CADM2: variants seen among roughly 807,000 people sequenced by gnomAD.
CADM2 encodes immunoglobulin superfamily member 4D.
A neutral mutation model predicts 49.8 loss-of-function variants in CADM2; 12 were observed. That is an observed-to-expected ratio of 0.24 (90% CI 0.15 to 0.39). The LOEUF is 0.39. Ranked by LOEUF, CADM2 falls within the 10% of genes least tolerant of loss-of-function variation. CADM2 has a pLI of 1.00. For missense variants in CADM2, 378 were observed against 492.3 expected, an observed-to-expected ratio of 0.77 and a Z score of 2.20; for synonymous variants, 214 against 175.4, an observed-to-expected ratio of 1.22 and a Z score of -1.74.
intron 5 of CADM2, among the ~76,000 whole-genome samples, chr3:85,897,361 C>T (rs1021720457): frequency 1.4e-4 from 20 of 144,086 alleles, no homozygotes; most frequent in Admixed American, 1.0e-3. Context: ...GCTCCGCTTC[C>T]CGGGTTCACG....
chr3:85,322,978 T>A (rs11715683), intron 1 of CADM2, among the ~76,000 whole-genome samples: 46,977 of 152,102 alleles, frequency 0.31, 8,103 homozygotes, highest in Admixed American at 0.47. Flanking sequence ...TATTCTTTTA[T>A]TGTGGTGTTT....
At chr3:85,782,340 A>C (rs1483248686) in intron 2 of CADM2, among the ~76,000 whole-genome samples, 8 of 152,208 alleles carry the variant, frequency 5.3e-5, no homozygotes, top group African/African-American at 1.9e-4. Flanking sequence ...CTACTCTGCT[A>C]TAATGAATGA....
intron 1 of CADM2, among the ~76,000 whole-genome samples, chr3:85,636,409 G>T (rs11127904): frequency 0.79 from 119,947 of 152,120 alleles, 48,108 homozygotes; most frequent in African/African-American, 0.94. Context: ...AAAGAAAATA[G>T]TTTGTACAGT....
intron 1 of CADM2, among the ~76,000 whole-genome samples, chr3:85,426,402 G>C (rs1202366516): frequency 1.3e-5 from 2 of 151,976 alleles, no homozygotes; most frequent in Non-Finnish European, 2.9e-5. Flanking sequence ...AAAGTGCAGG[G>C]ATTACAGGCA....
intron 1 of CADM2, among the ~76,000 whole-genome samples, chr3:84,988,032 G>A (rs916539560): frequency 2.0e-5 from 3 of 152,128 alleles, no homozygotes; most frequent in African/African-American, 7.2e-5. Context: ...CAGACATGGA[G>A]AAAACAAAAC....
At chr3:85,298,052 A>T (rs2044008609) in intron 1 of CADM2, among the ~76,000 whole-genome samples, 1 of 151,994 alleles carries the variant, frequency 6.6e-6, no homozygotes, top group African/African-American at 2.4e-5. Context: ...TTACCATATT[A>T]TTTAGGGTTA....
intron 1 of CADM2, among the ~76,000 whole-genome samples, chr3:85,039,032 G>A (rs984599568): frequency 1.3e-5 from 2 of 149,892 alleles, no homozygotes; most frequent in African/African-American, 4.9e-5. Flanking sequence ...TATAAACACA[G>A]AGAGAGAGAG....
chr3:85,428,830 C>A (rs1056977170), intron 1 of CADM2, among the ~76,000 whole-genome samples: 1 of 151,372 alleles, frequency 6.6e-6, no homozygotes, highest in Non-Finnish European at 1.5e-5. Context: ...TTCTTTTACA[C>A]TCTTTTGCCT....
intron 1 of CADM2, among the ~76,000 whole-genome samples, chr3:85,021,438 T>A (rs2034506711): frequency 6.7e-6 from 1 of 150,348 alleles, no homozygotes; most frequent in Admixed American, 6.8e-5. Flanking sequence ...TATTCAAATA[T>A]GCCTAGAGTT....
At chr3:85,444,524 C>G (rs1449066978) in intron 1 of CADM2, among the ~76,000 whole-genome samples, 2 of 151,932 alleles carry the variant, frequency 1.3e-5, no homozygotes, top group Non-Finnish European at 2.9e-5. Flanking sequence ...ATAAAGTTCT[C>G]TGAGATATCC....
At chr3:85,209,428 A>G (rs948584285) in intron 1 of CADM2, among the ~76,000 whole-genome samples, 4 of 152,286 alleles carry the variant, frequency 2.6e-5, no homozygotes, top group African/African-American at 9.6e-5. Flanking sequence ...GAGATCAGAA[A>G]GAAACTCAAA....
At chr3:85,924,489 G>A (rs1349822430) in intron 6 of CADM2, among the ~76,000 whole-genome samples, 2 of 151,824 alleles carry the variant, frequency 1.3e-5, no homozygotes, top group East Asian at 1.9e-4. Flanking sequence ...CTACATCGGG[G>A]GCCAAAGTGG....
At chr3:85,482,379 G>T (rs895467418) in intron 1 of CADM2, among the ~76,000 whole-genome samples, 1 of 151,766 alleles carries the variant, frequency 6.6e-6, no homozygotes, top group African/African-American at 2.4e-5. Context: ...GAGTTTGTCA[G>T]AGACTTTTAG....
intron 8 of CADM2, chr3:85,994,539 A>T (rs2108716522): frequency 6.6e-6 from 1 of 152,356 alleles, no homozygotes; most frequent in South Asian, 2.1e-4. Context: ...GACTGGCACA[A>T]GACGTGTAGC....
At chr3:85,004,144 A>G (rs2033608784) in intron 1 of CADM2, among the ~76,000 whole-genome samples, 1 of 152,180 alleles carries the variant, frequency 6.6e-6, no homozygotes, top group Admixed American at 6.6e-5. Context: ...CAAAGTTAGA[A>G]GTTTTGATTT....
intron 1 of CADM2, among the ~76,000 whole-genome samples, chr3:85,621,374 G>A (rs2063972648): frequency 6.6e-6 from 1 of 151,946 alleles, no homozygotes; most frequent in Non-Finnish European, 1.5e-5. Flanking sequence ...ACATTTTTAA[G>A]AAAATAAAGA....
chr3:85,558,109 G>C (rs1387888873), intron 1 of CADM2, among the ~76,000 whole-genome samples: 1 of 151,950 alleles, frequency 6.6e-6, no homozygotes, highest in Non-Finnish European at 1.5e-5. Flanking sequence ...GTGTGAGTCT[G>C]TGAGTGTGTG....
intron 8 of CADM2, chr3:85,992,541 G>C (rs1728907585): frequency 6.6e-6 from 1 of 152,010 alleles, no homozygotes; most frequent in Non-Finnish European, 1.5e-5. Context: ...AGATATCATG[G>C]GTTCAGTTCC....
Position 85,379,982 on chromosome 3 carries a change from A to C in CADM2, c.62-346540A>C, listed in dbSNP as rs191826531. Among the ~76,000 whole-genome samples the C allele has an allele frequency of 1.4e-4, 21 of 152,104 alleles. No individual in the cohort carries two copies. The East Asian group carries it at 2.5e-3, about 18-fold the overall frequency. ...TAGCAAACATTTCTGTTTTTCAATG[A>C]CTTTGACAAAGTCTGCATGAGTATT... On this transcript the variant is annotated intron_variant, in intron 1 of 9. Transcript: ENST00000383699.
Sources: allele counts gnomAD v4.1 joint callset (sites outside exome capture counted in the v4.1 genomes callset), GRCh38; gene constraint gnomAD v4.1.1; transcripts MANE v1.5; gene names NCBI Gene and HGNC (gene_info 2026-07-23, HGNC 2026-07-21).